EYS: variants seen among roughly 807,000 people sequenced by gnomAD.
EYS encodes EGF-like photoreceptor maintenance factor.
Under a neutral mutation model 282.1 loss-of-function variants are expected in EYS, and 250 were observed. That is an observed-to-expected ratio of 0.89 (90% CI 0.80 to 0.98). The LOEUF is 0.98. Ranked by LOEUF, EYS falls within the 50% of genes least tolerant of loss-of-function variation. EYS has a pLI of 0.00. For missense variants in EYS, 4,016 were observed against 3,709.0 expected, an observed-to-expected ratio of 1.08 and a Z score of -2.15; for synonymous variants, 1,355 against 1,282.9, an observed-to-expected ratio of 1.06 and a Z score of -1.20.
chr6:64,258,160 T>C lies in EYS; in HGVS notation c.6192-27336A>G, dbSNP rs190774914. Among the ~76,000 whole-genome samples the C allele has an allele frequency of 5.9e-3, 895 of 152,164 alleles. 8 individuals carry two copies. The highest frequency in any genetic ancestry group is 0.021 in the African/African-American group (856 of 41,546). On this transcript the variant is annotated intron_variant, in intron 30 of 42. Transcript: ENST00000503581. ...ACACAGCAGAAATTAAATTCAAATG[T>C]TATATGTGAAAGTAAGCAAAAATTA...
chr6:64,286,520 T>G (rs565831831), intron 30 of EYS, among the ~76,000 whole-genome samples: 1 of 152,184 alleles, frequency 6.6e-6, no homozygotes. Context: ...GGCAGTGATA[T>G]CCTTAAAACA....
At chr6:64,898,426 C>G (rs1274896325) in intron 18 of EYS, among the ~76,000 whole-genome samples, 2 of 152,146 alleles carry the variant, frequency 1.3e-5, no homozygotes, top group East Asian at 1.9e-4. Context: ...CACCACCAAG[C>G]CTGCCTTACA....
chr6:63,827,937 C>T (rs1436005085), intron 36 of EYS, among the ~76,000 whole-genome samples: 1 of 151,302 alleles, frequency 6.6e-6, no homozygotes, highest in Non-Finnish European at 1.5e-5. Context: ...CCAAAAGGAA[C>T]CTTCAAAGTC....
intron 2 of EYS, among the ~76,000 whole-genome samples, chr6:65,603,632 T>C (rs1765684809): frequency 6.6e-6 from 1 of 152,012 alleles, no homozygotes; most frequent in Non-Finnish European, 1.5e-5. Context: ...CCTACATAAG[T>C]ACTCTTCTGT....
intron 30 of EYS, among the ~76,000 whole-genome samples, chr6:64,284,547 C>T (rs1242756792): frequency 6.6e-6 from 1 of 152,140 alleles, no homozygotes; most frequent in Admixed American, 6.5e-5. Flanking sequence ...CTTTCCACAG[C>T]TCTACTAGGT....
intron 26 of EYS, among the ~76,000 whole-genome samples, chr6:64,511,168 A>G (rs1486777647): frequency 2.1e-5 from 3 of 144,558 alleles, no homozygotes; most frequent in Non-Finnish European, 3.0e-5. Context: ...TGCTTCATCC[A>G]GTTAAGGTTG....
intron 8 of EYS, among the ~76,000 whole-genome samples, chr6:65,370,255 TC>T (rs1409870331): frequency 1.6e-5 from 2 of 124,426 alleles, no homozygotes; most frequent in African/African-American, 6.7e-5. Context: ...TCTTTCTCTC[TC>T]TTTTTTTTTT....
At chr6:64,886,620 T>C in intron 19 of EYS, 77 bp downstream of exon 19, 3 of 1,211,474 alleles carry the variant, frequency 2.5e-6, no homozygotes, top group Non-Finnish European at 3.3e-6. Context: ...ATTTCAGGTT[T>C]TGGAGTATAA....
chr6:65,116,304 T>G (rs1408176236), intron 12 of EYS, among the ~76,000 whole-genome samples: 1 of 152,072 alleles, frequency 6.6e-6, no homozygotes, highest in East Asian at 1.9e-4. Context: ...ACAAAAGAAG[T>G]CAACATTCTT....
chr6:64,557,370 T>A (rs1765266460), intron 26 of EYS, among the ~76,000 whole-genome samples: 1 of 152,002 alleles, frequency 6.6e-6, no homozygotes, highest in African/African-American at 2.4e-5. Context: ...CATTCAAGAT[T>A]TATTTGGTTC....
chr6:65,590,553 TG>T (rs1466299963), intron 2 of EYS, among the ~76,000 whole-genome samples: 1 of 152,028 alleles, frequency 6.6e-6, no homozygotes, highest in Non-Finnish European at 1.5e-5. Context: ...GTCACTTGAC[TG>T]TACAACAGAA....
chr6:64,814,930 A>AGTGACTTTT (rs1411132890), intron 21 of EYS, among the ~76,000 whole-genome samples: 2 of 151,996 alleles, frequency 1.3e-5, no homozygotes, highest in Non-Finnish European at 2.9e-5. Flanking sequence ...ATGCTTACAA[A>AGTGACTTTT]TATTTAGTGA....
intron 22 of EYS, among the ~76,000 whole-genome samples, chr6:64,711,070 G>T (rs75644396): frequency 3.9e-5 from 6 of 152,256 alleles, no homozygotes; most frequent in Admixed American, 3.9e-4. Context: ...TTCTGACAAG[G>T]TTGTCTCATC....
intron 19 of EYS, among the ~76,000 whole-genome samples, chr6:64,840,293 T>C (rs1014550503): frequency 1.3e-5 from 2 of 152,102 alleles, no homozygotes; most frequent in African/African-American, 4.8e-5. Context: ...GTGCCTCAAT[T>C]TGTAACATGT....
At chr6:63,920,509 C>T (rs1490922104) in intron 35 of EYS, among the ~76,000 whole-genome samples, 1 of 152,292 alleles carries the variant, frequency 6.6e-6, no homozygotes, top group South Asian at 2.1e-4. Flanking sequence ...ATTTCCTTCC[C>T]GTTGGCTCTA....
chr6:65,508,095 T>C (rs567273154), intron 2 of EYS, among the ~76,000 whole-genome samples: 79 of 152,218 alleles, frequency 5.2e-4, no homozygotes, highest in African/African-American at 1.8e-3. Context: ...GCTTTGGCTT[T>C]ATTTAGAGTT....
intron 12 of EYS, among the ~76,000 whole-genome samples, chr6:65,266,170 T>C (rs1316284419): frequency 6.6e-6 from 1 of 151,956 alleles, no homozygotes; most frequent in African/African-American, 2.4e-5. Context: ...ATAATTGGTA[T>C]AACTGTTCAA....
intron 35 of EYS, among the ~76,000 whole-genome samples, chr6:63,921,348 GT>G (rs1370153153): frequency 6.6e-6 from 1 of 152,232 alleles, no homozygotes; most frequent in Admixed American, 6.5e-5. Flanking sequence ...CTCTGTCCAT[GT>G]TGTGCTGTTG....
intron 2 of EYS, among the ~76,000 whole-genome samples, chr6:65,538,302 T>C (rs915419793): frequency 2.0e-5 from 3 of 152,124 alleles, no homozygotes; most frequent in Admixed American, 2.0e-4. Context: ...GTTTGATTGT[T>C]GGACAGTTCC....
Sources: allele counts gnomAD v4.1 joint callset (sites outside exome capture counted in the v4.1 genomes callset), GRCh38; gene constraint gnomAD v4.1.1; transcripts MANE v1.5; gene names NCBI Gene and HGNC (gene_info 2026-07-23, HGNC 2026-07-21).